The following OPN3 variants were observed in gnomAD, a reference collection of about 807,000 sequenced individuals.
OPN3 encodes opsin 3, also known as opsin-3.
A neutral mutation model predicts 33.8 loss-of-function variants in OPN3; 29 were observed. The ratio of observed to expected loss-of-function variants is 0.86; its 90% CI spans 0.64 to 1.17. OPN3 has a LOEUF of 1.17. OPN3 is among the 50% of genes most tolerant of loss of function. OPN3 has a pLI of 0.00. For synonymous variants in OPN3, 216 were observed against 216.1 expected (o/e 1.00, Z 0.00); for missense variants, 437 against 514.1 (o/e 0.85, Z 1.45).
chr1:241,600,274 T>A (rs565490633), intron 2 of OPN3: 4 of 152,374 alleles, frequency 2.6e-5, no homozygotes, highest in African/African-American at 9.6e-5. Context: ...GTTTTCATGA[T>A]TATTTTTTAT....
intron 1 of OPN3, among the ~76,000 whole-genome samples, chr1:241,611,815 T>G (rs1664009767): frequency 6.6e-6 from 1 of 152,346 alleles, no homozygotes; most frequent in Admixed American, 6.5e-5. Flanking sequence ...GATTTTGCTT[T>G]TGGAGGTTTT....
chr1:241,611,517 G>A (rs1168878555), intron 1 of OPN3, among the ~76,000 whole-genome samples: 1 of 150,470 alleles, frequency 6.6e-6, no homozygotes, highest in Non-Finnish European at 1.5e-5. Flanking sequence ...AAAAAATGAT[G>A]GGGAAGTGAA....
chr1:241,597,664 G>T, intron 3 of OPN3, 82 bp downstream of exon 3: 2 of 1,327,616 alleles, frequency 1.5e-6, no homozygotes, highest in Non-Finnish European at 2.0e-6. Context: ...AAGCGACTCT[G>T]AATCACCTCT....
chr1:241,635,917 A>T, intron 1 of OPN3: 3 of 707,952 alleles, frequency 4.2e-6, no homozygotes, highest in Non-Finnish European at 6.9e-6. Context: ...CTTTTAAAAT[A>T]TTTTTTTTCT....
At chr1:241,618,420 A>C (rs1341440848) in intron 1 of OPN3, among the ~76,000 whole-genome samples, 2 of 152,262 alleles carry the variant, frequency 1.3e-5, no homozygotes, top group Non-Finnish European at 2.9e-5. Flanking sequence ...GATGATCCTG[A>C]CTTTCAGAAC....
chr1:241,615,247 A>G (rs1027527743), intron 1 of OPN3, among the ~76,000 whole-genome samples: 4 of 151,546 alleles, frequency 2.6e-5, no homozygotes, highest in Admixed American at 2.0e-4. Context: ...AGCACTTAAC[A>G]GGAACTGAGA....
chr1:241,629,313 T>C (rs913237553), intron 1 of OPN3: 1 of 152,152 alleles, frequency 6.6e-6, no homozygotes, highest in South Asian at 2.1e-4. Context: ...ACAGTTCTCT[T>C]AAAAGGCTAC....
At chr1:241,635,355 C>T (rs1439017145) in intron 1 of OPN3, 2 of 1,614,016 alleles carry the variant, frequency 1.2e-6, no homozygotes, top group Middle Eastern at 1.6e-4. Flanking sequence ...TCAGGTAATG[C>T]AGAATCCAGA....
chr1:241,639,770 G>C, intron 1 of OPN3, 112 bp downstream of exon 1: 1 of 1,122,804 alleles, frequency 8.9e-7, no homozygotes, highest in Non-Finnish European at 1.2e-6. Context: ...GGGGCGCGGG[G>C]CCGAGCGGGA....
In OPN3 at chr1:241,594,613, C is replaced by T. The variant is rs1663440990; in HGVS notation, c.1024G>A (p.Gly342Arg). 1 of 1,614,124 alleles carries T rather than the reference C, an allele frequency of 6.2e-7. No individual in the cohort carries two copies. The highest frequency in any genetic ancestry group is 8.5e-7 in the Non-Finnish European group (1 of 1,180,000). Residue 342 changes from glycine (G) to arginine (R), a missense_variant, in exon 4 of 4, where the codon GGA (glycine) becomes AGA (arginine). Transcript: ENST00000366554. Reference protein sequence around the residue: ...QRPAKDLPAAGSEMQIRPIVM... With the variant: ...QRPAKDLPAARSEMQIRPIVM... ...ATGGGTCTGATCTGCATTTCACTTCCAGCTGCTGGTAGGTCTTTAGCAGGC... is the reference window on the plus strand; with the variant it reads ...ATGGGTCTGATCTGCATTTCACTTCTAGCTGCTGGTAGGTCTTTAGCAGGC...
chr1:241,635,329 C>G, intron 1 of OPN3: 2 of 1,613,708 alleles, frequency 1.2e-6, no homozygotes, highest in Non-Finnish European at 1.7e-6. Flanking sequence ...TATTAAAATA[C>G]GATAACTGGC....
rs1050004954 is a variant in OPN3 at position 241,604,252 on chromosome 1, C to T, written c.693+8G>A. ...TTGGGAGGGGGGCATCTGTAGTCTT[C>T]AACTCACCATTCGAATGGAATATAG... On this transcript the variant is annotated splice_region_variant and intron_variant, in intron 2 of 3. Coordinates refer to ENST00000366554, the MANE Select transcript of OPN3 (RefSeq NM_014322.3). 1.9e-6 allele frequency: 3 copies of T among 1,611,794 alleles called. No individual in the cohort carries two copies. The African/African-American group carries it at 4.0e-5, about 21-fold the overall frequency.
chr1:241,603,611 T>C (rs184770184), intron 2 of OPN3, among the ~76,000 whole-genome samples: 1 of 152,330 alleles, frequency 6.6e-6, no homozygotes, highest in Admixed American at 6.5e-5. Flanking sequence ...AAGTGATGCA[T>C]GTAGCTAAGT....
At chr1:241,627,082 C>T (rs1664441606) in intron 1 of OPN3, among the ~76,000 whole-genome samples, 1 of 151,940 alleles carries the variant, frequency 6.6e-6, no homozygotes, top group Non-Finnish European at 1.5e-5. Context: ...CAAGCAAATG[C>T]CAAGAATCAT....
In OPN3 at chr1:241,640,248, A is replaced by C; in HGVS notation, c.7T>G (p.Ser3Ala). The C allele has an allele frequency of 1.6e-6, 2 of 1,256,866 alleles. No individual in the cohort carries two copies. The highest frequency in any genetic ancestry group is 2.0e-6 in the Non-Finnish European group (2 of 1,005,570). The allele number at this position is 1,256,866 out of a possible 1,614,324, so 77.9% of individuals were successfully genotyped here. The part of the protein sequence containing the change: MY[S>A]GNRSGGHGYW... The stretch of plus-strand genomic sequence containing the variant: ...CCGTGGCCGCCGCTGCGGTTCCCCG[A>C]GTACATGGCCCGGCGCCGGCGCGCC... The change falls in exon 1 of 4, where the codon TCG becomes GCG. Residue 3 changes from serine (S) to alanine (A), a missense_variant. Coordinates refer to ENST00000366554, the MANE Select transcript of OPN3 (RefSeq NM_014322.3).
chr1:241,593,505 C>T lies in OPN3; in HGVS notation c.*923G>A. 3.3e-6 allele frequency: 1 copy of T among 306,734 alleles called. No individual in the cohort carries two copies. Among genetic ancestry groups the T allele is most frequent in the South Asian group, 2.9e-5 (1 of 34,734 alleles). The allele number at this position is 306,734 out of a possible 1,614,324, so 19.0% of individuals were successfully genotyped here. On this transcript the variant is annotated 3_prime_UTR_variant, in exon 4 of 4. Coordinates refer to ENST00000366554, the MANE Select transcript of OPN3 (RefSeq NM_014322.3). ...ATATTGTCAATGAAAACCTTGAGTTCTAATAATCCATGTTCAGTTTGTAGG... is the reference window on the plus strand; with the variant it reads ...ATATTGTCAATGAAAACCTTGAGTTTTAATAATCCATGTTCAGTTTGTAGG...
intron 1 of OPN3, among the ~76,000 whole-genome samples, chr1:241,609,139 T>C (rs1663915543): frequency 6.6e-6 from 1 of 152,200 alleles, no homozygotes; most frequent in Admixed American, 6.5e-5. Flanking sequence ...TGAGCAGATA[T>C]GAGGAAGACA....
intron 1 of OPN3, chr1:241,636,198 G>A: frequency 5.0e-6 from 2 of 396,888 alleles, no homozygotes; most frequent in East Asian, 3.6e-5. Context: ...ACTAAAGCAT[G>A]TCTTAAATGC....
At position 241,640,309 on chromosome 1, in the gene OPN3, G is replaced by C. The variant is rs1340972979; in HGVS notation, c.-55C>G. ...AGGCGCTCAGCTTGCGGCGGGGCTCGCGGCGCGCTCCGCACTGGGTGGGGT... is the reference window on the plus strand; with the variant it reads ...AGGCGCTCAGCTTGCGGCGGGGCTCCCGGCGCGCTCCGCACTGGGTGGGGT... On this transcript the variant is annotated 5_prime_UTR_variant, in exon 1 of 4. Coordinates refer to ENST00000366554, the MANE Select transcript of OPN3 (RefSeq NM_014322.3). The C allele has an allele frequency of 3.6e-6, 4 of 1,104,068 alleles. No individual in the cohort carries two copies. The highest frequency in any genetic ancestry group is 4.4e-6 in the Non-Finnish European group (4 of 910,122). 68.4% of individuals were successfully genotyped at this position (1,104,068 alleles called of 1,614,324 possible).
Sources: allele counts gnomAD v4.1 joint callset (sites outside exome capture counted in the v4.1 genomes callset), GRCh38; gene constraint gnomAD v4.1.1; transcripts MANE v1.5; gene names NCBI Gene and HGNC (gene_info 2026-07-23, HGNC 2026-07-21).